Variants in TMEM260 observed in about 807,000 individuals in gnomAD.
TMEM260 encodes the protein transmembrane protein 260, also known as protein O-mannosyl-transferase TMEM260.
TMEM260 carries 82 observed loss-of-function variants against 88.9 expected under a neutral mutation model. That is an observed-to-expected ratio of 0.92 (90% confidence interval 0.77 to 1.11). TMEM260 has a LOEUF of 1.11. Ranked by LOEUF, TMEM260 falls within the 50% of genes least tolerant of loss-of-function variation. The pLI, the probability that TMEM260 is intolerant of heterozygous loss-of-function variation, is 0.00. For synonymous variants in TMEM260, 314 were observed against 309.3 expected (o/e 1.02, Z -0.16); for missense variants, 902 against 853.4 (o/e 1.06, Z -0.71).
At chr14:56,649,852 C>G (rs911775099), downstream of TMEM260, among the ~76,000 whole-genome samples, 4 of 152,182 alleles carry the variant, frequency 2.6e-5, no homozygotes, top group African/African-American at 7.2e-5. Context: ...GGGCCACTCT[C>G]TCTTTGAGAA....
At chr14:56,582,312 C>T (rs1030292889) in intron 1 of TMEM260, among the ~76,000 whole-genome samples, 2 of 152,166 alleles carry the variant, frequency 1.3e-5, no homozygotes. Context: ...TACCACTTGA[C>T]ACACACAGTT....
At chr14:56,608,696 T>C (rs377408247) in intron 5 of TMEM260, among the ~76,000 whole-genome samples, 6 of 81,870 alleles carry the variant, frequency 7.3e-5, no homozygotes, top group African/African-American at 1.9e-4. Flanking sequence ...CTACTCCTAA[T>C]GATGATGACA....
intron 15 of TMEM260, among the ~76,000 whole-genome samples, chr14:56,640,372 A>G (rs1357939014): frequency 6.6e-6 from 1 of 152,212 alleles, no homozygotes; most frequent in Non-Finnish European, 1.5e-5. Flanking sequence ...CACTGCTGAT[A>G]CCCAGGCAAA....
At chr14:56,622,568 A>G (rs1240569494) in intron 11 of TMEM260, among the ~76,000 whole-genome samples, 1 of 152,098 alleles carries the variant, frequency 6.6e-6, no homozygotes, top group Non-Finnish European at 1.5e-5. Flanking sequence ...ATACATTAAG[A>G]GAGGACTTGT....
intron 3 of TMEM260, among the ~76,000 whole-genome samples, chr14:56,594,838 GAAT>G (rs1308096740): frequency 6.6e-6 from 1 of 152,160 alleles, no homozygotes; most frequent in Non-Finnish European, 1.5e-5. Context: ...AAAGATTTAT[GAAT>G]AATATTTTGC....
intron 2 of TMEM260, 22 bp from the exon 3 acceptor site, chr14:56,585,735 TCTAA>T: frequency 6.2e-7 from 1 of 1,608,576 alleles, no homozygotes. Context: ...ATGAAAACCT[TCTAA>T]CTGTTGCTAA....
chr14:56,613,822 A>G (rs1133976), intron 7 of TMEM260: 1 of 151,636 alleles, frequency 6.6e-6, no homozygotes, highest in Non-Finnish European at 1.5e-5. Context: ...CACTTTGGGA[A>G]GCCAAAGTGG....
chr14:56,596,606 A>T (rs1886248901), intron 3 of TMEM260, among the ~76,000 whole-genome samples: 1 of 150,448 alleles, frequency 6.6e-6, no homozygotes, highest in Non-Finnish European at 1.5e-5. Flanking sequence ...TCTACTAAAA[A>T]TACAAAATTA....
intron 15 of TMEM260, among the ~76,000 whole-genome samples, chr14:56,637,098 T>C (rs1041775593): frequency 1.3e-5 from 2 of 152,194 alleles, no homozygotes; most frequent in East Asian, 1.9e-4. Context: ...CTGGAGGACG[T>C]TGGAAACAGA....
rs1890144437 is a variant in TMEM260, at chr14:56,649,396, T to C, written c.*1899T>C. On this transcript the variant is annotated 3_prime_UTR_variant, in exon 16 of 16. Transcript: ENST00000261556. ...GTTGGAGTTCAGCGTGGTGTAAAAA[T>C]GTAAGGAAGCATTGATAAATTGTCT... 6.6e-6 allele frequency: 1 copy of C among 152,302 alleles called. No homozygotes were observed. 9.4% of individuals were successfully genotyped at this position (152,302 alleles called of 1,614,324 possible).
Position 56,636,502 on chromosome 14 carries a change from C to A in TMEM260, c.1779-6C>A. 6.2e-7 allele frequency: 1 copy of A among 1,613,458 alleles called. No individual in the cohort carries two copies. Among genetic ancestry groups the A allele is most frequent in the African/African-American group, 1.3e-5 (1 of 74,920 alleles). On this transcript the variant is annotated splice_polypyrimidine_tract_variant and splice_region_variant and intron_variant, in intron 14 of 15. Coordinates refer to ENST00000261556, the MANE Select transcript of TMEM260 (RefSeq NM_017799.4). ...TTTTAATGAAGGTTCCTATCCCCACCCCCAGGATGAAAACACCGTTCTTCA... is the reference window on the plus strand; with the variant it reads ...TTTTAATGAAGGTTCCTATCCCCACACCCAGGATGAAAACACCGTTCTTCA...
At chr14:56,644,566 C>G (rs985181962) in intron 15 of TMEM260, among the ~76,000 whole-genome samples, 13 of 152,256 alleles carry the variant, frequency 8.5e-5, no homozygotes, top group Admixed American at 6.5e-5. Flanking sequence ...AAAACCTAGG[C>G]AGTACCATTC....
At chr14:56,627,706 A>G (rs750327593) in intron 12 of TMEM260, among the ~76,000 whole-genome samples, 2 of 152,236 alleles carry the variant, frequency 1.3e-5, no homozygotes, top group South Asian at 4.1e-4. Flanking sequence ...ATCTAAATGC[A>G]TACCTCTGAA....
chr14:56,621,767 C>A (rs1455564838), intron 11 of TMEM260, 65 bp downstream of exon 11: 8 of 1,426,166 alleles, frequency 5.6e-6, no homozygotes, highest in Non-Finnish European at 7.6e-6. Flanking sequence ...TTGGAAAAAA[C>A]ATCTTTTTTA....
At chr14:56,637,759 G>A (rs1184187371) in intron 15 of TMEM260, among the ~76,000 whole-genome samples, 5 of 152,158 alleles carry the variant, frequency 3.3e-5, no homozygotes, top group African/African-American at 7.2e-5. Flanking sequence ...TGTGATCTCT[G>A]GTTCCTTATG....
At chr14:56,604,859 GA>G (rs768281551) in intron 4 of TMEM260, among the ~76,000 whole-genome samples, 8 of 152,174 alleles carry the variant, frequency 5.3e-5, no homozygotes, top group Non-Finnish European at 1.0e-4. Context: ...GAAAATTACT[GA>G]GAGGAAGCAT....
chr14:56,638,989 GT>G (rs1159758664), intron 15 of TMEM260, among the ~76,000 whole-genome samples: 4 of 152,146 alleles, frequency 2.6e-5, no homozygotes, highest in Non-Finnish European at 5.9e-5. Flanking sequence ...TCTAAAATAA[GT>G]TGATAATGTG....
At chr14:56,618,944 C>T (rs550161813) in intron 10 of TMEM260, among the ~76,000 whole-genome samples, 181 bp downstream of exon 10, 12 of 152,122 alleles carry the variant, frequency 7.9e-5, no homozygotes, top group South Asian at 2.1e-4. Context: ...AAAGCATGGG[C>T]GATGAATGGT....
rs1392999795 is a variant in TMEM260 at position 56,647,290 on chromosome 14, G to A, written c.1917G>A (p.Trp639Ter). 6.2e-7 allele frequency: 1 copy of A among 1,613,978 alleles called. No individual in the cohort carries two copies. The highest frequency in any genetic ancestry group is 8.5e-7 in the Non-Finnish European group (1 of 1,180,018). Residue 639 changes from tryptophan to a stop codon, truncating the protein, a stop_gained, in exon 16 of 16, where the codon TGG becomes TGA. Transcript: ENST00000261556. LOFTEE classifies it high-confidence loss of function. ...VYLQKEHPVN[W>*]HKNYAIACER... is the part of the protein sequence containing the mutation. ...TACAAAAGGAGCACCCAGTGAATTG[G>A]CACAAGAACTATGCCATCGCCTGTG...
Sources: gnomAD v4.1 joint callset for allele counts (sites outside exome capture counted in the v4.1 genomes callset) on GRCh38, gnomAD v4.1.1 for gene constraint, MANE v1.5 for transcripts, NCBI Gene and HGNC (gene_info 2026-07-23, HGNC 2026-07-21) for gene names.